Variants in SLC35F4 observed in about 807,000 individuals in gnomAD.
SLC35F4 encodes solute carrier family 35 member F4.
Under a neutral mutation model 44.2 loss-of-function variants are expected in SLC35F4, and 24 were observed. That is an observed-to-expected ratio of 0.54 (90% CI 0.39 to 0.76). SLC35F4 has a LOEUF of 0.76. SLC35F4 is among the 30% of genes least tolerant of loss of function. The pLI is 0.00. For missense variants in SLC35F4, 562 were observed against 586.1 expected (o/e 0.96, Z 0.42); for synonymous variants, 238 against 223.6 (o/e 1.06, Z -0.57).
intron 1 of SLC35F4, among the ~76,000 whole-genome samples, chr14:57,601,422 A>G (rs1442523811): frequency 6.6e-6 from 1 of 152,114 alleles, no homozygotes; most frequent in Non-Finnish European, 1.5e-5. Flanking sequence ...TCCCATCACT[A>G]CTGATCATAG....
chr14:57,733,313 T>C (rs1320285043), intron 1 of SLC35F4, among the ~76,000 whole-genome samples: 1 of 148,854 alleles, frequency 6.7e-6, no homozygotes, highest in Non-Finnish European at 1.5e-5. Context: ...TGTCTAAGAA[T>C]GGATTTTTAA....
chr14:57,922,393 A>G (rs567820064), intron 1 of SLC35F4, among the ~76,000 whole-genome samples: 1 of 152,304 alleles, frequency 6.6e-6, no homozygotes, highest in East Asian at 1.9e-4. Context: ...TCAACCTAGT[A>G]ATGACTACAG....
chr14:57,754,384 C>T (rs1405578996), intron 1 of SLC35F4, among the ~76,000 whole-genome samples: 1 of 152,090 alleles, frequency 6.6e-6, no homozygotes, highest in African/African-American at 2.4e-5. Context: ...GGATTACAGG[C>T]TTGAGCCACC....
At chr14:57,697,187 A>T (rs1333826394) in intron 1 of SLC35F4, among the ~76,000 whole-genome samples, 1 of 152,128 alleles carries the variant, frequency 6.6e-6, no homozygotes, top group Admixed American at 6.6e-5. Context: ...TTCCATGCAA[A>T]ATATTTCTAA....
chr14:57,665,642 G>T lies in SLC35F4; in HGVS notation c.104-71518C>A, dbSNP rs2074282873. Among the ~76,000 whole-genome samples, 3 of 152,118 alleles carry T rather than the reference G, an allele frequency of 2.0e-5. No homozygotes were observed. In the South Asian group the frequency reaches 6.2e-4, roughly 32 times the overall value. On this transcript the variant is annotated intron_variant, in intron 1 of 7. Transcript: ENST00000556826. Reference sequence around the variant, plus strand: ...TCCCATTACTGGGTATATACCCAAAGGAATATAAATCATTCTATCATAAAG... The same window carrying T: ...TCCCATTACTGGGTATATACCCAAATGAATATAAATCATTCTATCATAAAG...
intron 1 of SLC35F4, among the ~76,000 whole-genome samples, chr14:57,885,737 G>A (rs1447301967): frequency 2.0e-5 from 3 of 152,182 alleles, no homozygotes; most frequent in Non-Finnish European, 1.5e-5. Flanking sequence ...ATCACAGAAT[G>A]TTCTATCAGA....
intron 1 of SLC35F4, among the ~76,000 whole-genome samples, chr14:57,689,190 G>A (rs2075154643): frequency 6.6e-6 from 1 of 151,954 alleles, no homozygotes; most frequent in South Asian, 2.1e-4. Flanking sequence ...TTCCTATATT[G>A]TTGACCTCAG....
intron 1 of SLC35F4, among the ~76,000 whole-genome samples, chr14:57,665,277 A>T (rs1391122673): frequency 2.0e-5 from 3 of 152,162 alleles, no homozygotes; most frequent in Non-Finnish European, 4.4e-5. Context: ...ATCCTCCCTG[A>T]GGCCTGGGTG....
intron 1 of SLC35F4, among the ~76,000 whole-genome samples, chr14:57,865,504 G>T (rs1056914530): frequency 3.9e-5 from 6 of 152,154 alleles, no homozygotes; most frequent in South Asian, 2.1e-4. Context: ...ACTCCTGGGC[G>T]CACCCAGCCG....
At chr14:57,678,402 G>A (rs1197128073) in intron 1 of SLC35F4, among the ~76,000 whole-genome samples, 1 of 152,052 alleles carries the variant, frequency 6.6e-6, no homozygotes, top group African/African-American at 2.4e-5. Flanking sequence ...AACTGTGCAA[G>A]CCACTGCAAA....
intron 1 of SLC35F4, among the ~76,000 whole-genome samples, chr14:57,660,398 T>G (rs2074099699): frequency 2.0e-5 from 3 of 151,980 alleles, no homozygotes. Flanking sequence ...TCACAGCTGT[T>G]CTGACATCTG....
intron 1 of SLC35F4, among the ~76,000 whole-genome samples, chr14:57,606,032 C>T (rs1595026247): frequency 6.6e-6 from 1 of 152,100 alleles, no homozygotes; most frequent in Non-Finnish European, 1.5e-5. Context: ...ACCTGGGTGA[C>T]GGATTCATTT....
chr14:57,661,162 T>G (rs1443757441), intron 1 of SLC35F4, among the ~76,000 whole-genome samples: 1 of 151,932 alleles, frequency 6.6e-6, no homozygotes, highest in Non-Finnish European at 1.5e-5. Flanking sequence ...ATTTACAGAG[T>G]CAAATGACTT....
At chr14:57,703,375 G>A (rs1028987339) in intron 1 of SLC35F4, among the ~76,000 whole-genome samples, 5 of 152,178 alleles carry the variant, frequency 3.3e-5, no homozygotes, top group African/African-American at 7.2e-5. Flanking sequence ...GCAGTGCATG[G>A]CTCTCAAATA....
intron 1 of SLC35F4, among the ~76,000 whole-genome samples, chr14:57,755,211 G>A (rs563607200): frequency 1.3e-5 from 2 of 152,140 alleles, no homozygotes; most frequent in East Asian, 1.9e-4. Flanking sequence ...CTGTGTTGGC[G>A]GGGTTCTAGG....
intron 1 of SLC35F4, among the ~76,000 whole-genome samples, chr14:57,917,591 A>T (rs1889354448): frequency 6.6e-6 from 1 of 152,142 alleles, no homozygotes; most frequent in South Asian, 2.1e-4. Flanking sequence ...AACAACAGTA[A>T]ATCAGCCTTT....
At position 57,746,411 on chromosome 14, in the gene SLC35F4, G is replaced by A. The variant is rs73289943; in HGVS notation, c.103+119312C>T. ...ATACTTTTTCTGTATTTTTTGTAAT[G>A]ATCATATTATTTTTCTCTTTGCTAA... On this transcript the variant is annotated intron_variant, in intron 1 of 7. Coordinates refer to ENST00000556826, the MANE Select transcript of SLC35F4 (RefSeq NM_001306087.2). 5.7e-3 allele frequency among the ~76,000 whole-genome samples: 869 copies of A among 152,108 alleles called. 8 individuals are homozygous for A. Among genetic ancestry groups the A allele is most frequent in the African/African-American group, 0.02 (826 of 41,516 alleles).
intron 1 of SLC35F4, among the ~76,000 whole-genome samples, chr14:57,641,221 C>A (rs2073222093): frequency 6.6e-6 from 1 of 151,920 alleles, no homozygotes; most frequent in Non-Finnish European, 1.5e-5. Context: ...GAACGATGAT[C>A]ATAAACACGC....
At chr14:57,882,740 A>G (rs1888562644) in intron 1 of SLC35F4, among the ~76,000 whole-genome samples, 1 of 152,204 alleles carries the variant, frequency 6.6e-6, no homozygotes, top group African/African-American at 2.4e-5. Context: ...GGTTTGAATC[A>G]GGTGAAAAGT....
Sources: allele counts gnomAD v4.1 joint callset (sites outside exome capture counted in the v4.1 genomes callset), GRCh38; gene constraint gnomAD v4.1.1; transcripts MANE v1.5; gene names NCBI Gene and HGNC (gene_info 2026-07-23, HGNC 2026-07-21).